The following MAN2A1 variants were observed in gnomAD, a reference collection of about 807,000 sequenced individuals.
The protein encoded by MAN2A1 is mannosidase alpha class 2A member 1.
A neutral mutation model predicts 142.6 loss-of-function variants in MAN2A1; 76 were observed. The ratio of observed to expected loss-of-function variants is 0.53; its 90% CI spans 0.44 to 0.65. The LOEUF is 0.65. Ranked by LOEUF, MAN2A1 falls within the 30% of genes least tolerant of loss-of-function variation. The pLI is 0.00. For synonymous variants in MAN2A1, 559 were observed against 473.2 expected (o/e 1.18, Z -2.35); for missense variants, 1,311 against 1,365.1 (o/e 0.96, Z 0.62).
rs754339308 is a variant in MAN2A1, at chr5:109,855,333, A to T, written c.3170A>T (p.Lys1057Met). ...GTTAATTTGAGAACAATACAGTCAA[A>T]GGTATGTCTCAAAATATATCTTATA... is the stretch of plus-strand genomic sequence containing the variant. ...HLVNLRTIQS[K>M]VGNGHSNEAA... is the part of the protein sequence containing the mutation. Residue 1057 changes from lysine (K) to methionine (M), a missense_variant and splice_region_variant, in exon 20 of 22, where the codon AAG becomes ATG. Around this residue, in one of 3 missense-constraint regions of MAN2A1, gnomAD observed 890 missense variants for 920.5 expected, o/e 0.97. Coordinates refer to ENST00000261483, the MANE Select transcript of MAN2A1 (RefSeq NM_002372.4). The T allele has an allele frequency of 6.4e-7, 1 of 1,556,656 alleles. No individual in the cohort carries two copies. Among genetic ancestry groups the T allele is most frequent in the Non-Finnish European group, 8.7e-7 (1 of 1,155,024 alleles).
chr5:109,848,876 T>G (rs1163216594), intron 19 of MAN2A1, among the ~76,000 whole-genome samples: 1 of 152,216 alleles, frequency 6.6e-6, no homozygotes, highest in Non-Finnish European at 1.5e-5. Context: ...AGTCAGAGTT[T>G]ATGAGATGAG....
intron 13 of MAN2A1, among the ~76,000 whole-genome samples, chr5:109,819,444 A>G (rs1267336852): frequency 6.6e-6 from 1 of 152,152 alleles, no homozygotes; most frequent in African/African-American, 2.4e-5. Flanking sequence ...AATAGTTATT[A>G]TACTATAGTT....
chr5:109,756,952 A>G (rs1169267371), intron 5 of MAN2A1, among the ~76,000 whole-genome samples: 1 of 152,230 alleles, frequency 6.6e-6, no homozygotes, highest in African/African-American at 2.4e-5. Context: ...TGAGTCTGTA[A>G]TGAGTTTCCT....
Position 109,864,947 on chromosome 5 carries a change from G to A in MAN2A1, c.3172-89G>A, listed in dbSNP as rs1206201914. The A allele has an allele frequency of 1.1e-5, 10 of 901,738 alleles. No homozygotes were observed. The East Asian group carries it at 2.2e-4, about 20-fold the overall frequency. 55.9% of individuals were successfully genotyped at this position (901,738 alleles called of 1,614,324 possible). A position where few individuals can be genotyped will look rare whatever the true frequency, so the allele number is the denominator to read the frequency against. On this transcript the variant is annotated intron_variant, in intron 20 of 21. Coordinates refer to ENST00000261483, the MANE Select transcript of MAN2A1 (RefSeq NM_002372.4). ...TTCTTGCTAAATAAATGTGCTTTTG[G>A]ATGCTGACATCGAGAGAGTGGTGTG...
rs773887366 is a variant in MAN2A1, at chr5:109,729,649, C to T, written c.707+136C>T. The T allele has an allele frequency of 1.0e-5, 5 of 501,320 alleles. No individual in the cohort carries two copies. In the South Asian group the frequency reaches 1.3e-4, roughly 13 times the overall value. 31.1% of individuals were successfully genotyped at this position (501,320 alleles called of 1,614,324 possible). On this transcript the variant is annotated intron_variant, in intron 4 of 21. Coordinates refer to ENST00000261483, the MANE Select transcript of MAN2A1 (RefSeq NM_002372.4). ...AAAATATTTCTTCACATACCGTTTT[C>T]GTTGATTTTGGTTCATCTCTGAAAA... is the stretch of plus-strand genomic sequence containing the variant.
At chr5:109,721,831 G>A (rs969354681) in intron 3 of MAN2A1, among the ~76,000 whole-genome samples, 1 of 152,202 alleles carries the variant, frequency 6.6e-6, no homozygotes, top group African/African-American at 2.4e-5. Context: ...AAGCCTGGGT[G>A]CTTCAAAACT....
At chr5:109,711,324 C>CTT (rs1184198699) in intron 1 of MAN2A1, among the ~76,000 whole-genome samples, 2 of 152,190 alleles carry the variant, frequency 1.3e-5, no homozygotes, top group Non-Finnish European at 2.9e-5. Context: ...TCAACAGAAT[C>CTT]TATCAGAAGG....
At chr5:109,759,276 C>CT (rs1582868008) in intron 5 of MAN2A1, among the ~76,000 whole-genome samples, 1 of 152,040 alleles carries the variant, frequency 6.6e-6, no homozygotes, top group East Asian at 1.9e-4. Context: ...AAGTCCTGTA[C>CT]TTTTTTTGTT....
chr5:109,827,085 G>T (rs1754778696), intron 16 of MAN2A1, among the ~76,000 whole-genome samples: 1 of 152,114 alleles, frequency 6.6e-6, no homozygotes. Flanking sequence ...GCAGTTATTT[G>T]CATGAGTATT....
At chr5:109,840,583 C>A in intron 16 of MAN2A1, 1 of 503,404 alleles carries the variant, frequency 2.0e-6, no homozygotes, top group Non-Finnish European at 3.9e-6. Context: ...GTTTCCTTAA[C>A]AACAGGGCCA....
chr5:109,734,039 C>A (rs902349346), intron 4 of MAN2A1, among the ~76,000 whole-genome samples: 2 of 152,020 alleles, frequency 1.3e-5, no homozygotes, highest in African/African-American at 4.8e-5. Context: ...ACAATTTCAG[C>A]TCCTGTTATT....
At chr5:109,787,974 T>A (rs1221640766) in intron 10 of MAN2A1, among the ~76,000 whole-genome samples, 1 of 151,902 alleles carries the variant, frequency 6.6e-6, no homozygotes, top group Non-Finnish European at 1.5e-5. Flanking sequence ...TCATGATCAC[T>A]TACATCTCTG....
intron 4 of MAN2A1, among the ~76,000 whole-genome samples, chr5:109,737,125 G>A (rs1235820221): frequency 8.5e-6 from 1 of 117,846 alleles, no homozygotes; most frequent in East Asian, 2.6e-4. Flanking sequence ...ACTGAGTCTC[G>A]CTCTGTCACC....
intron 3 of MAN2A1, among the ~76,000 whole-genome samples, chr5:109,720,715 A>G (rs1335838978): frequency 6.6e-6 from 1 of 152,182 alleles, no homozygotes. Flanking sequence ...TATTTTGAGA[A>G]AGTTTAGAAA....
intron 4 of MAN2A1, among the ~76,000 whole-genome samples, chr5:109,753,877 A>G (rs1752610959): frequency 6.6e-6 from 1 of 151,638 alleles, no homozygotes; most frequent in African/African-American, 2.4e-5. Context: ...GGCACTTAAG[A>G]TAGATACTTG....
intron 19 of MAN2A1, among the ~76,000 whole-genome samples, chr5:109,849,544 C>G (rs1755427734): frequency 3.3e-5 from 5 of 152,136 alleles, no homozygotes; most frequent in African/African-American, 1.2e-4. Context: ...TTGCCATCAC[C>G]TATCTATCTC....
chr5:109,789,668 C>T, intron 12 of MAN2A1, 141 bp downstream of exon 12: 1 of 593,462 alleles, frequency 1.7e-6, no homozygotes, highest in Admixed American at 3.3e-5. Flanking sequence ...GATTTTCTTT[C>T]ATGACTGTGT....
intron 16 of MAN2A1, among the ~76,000 whole-genome samples, chr5:109,826,545 C>A (rs931313657): frequency 6.6e-6 from 1 of 152,210 alleles, no homozygotes; most frequent in African/African-American, 2.4e-5. Flanking sequence ...CTTAACAAAT[C>A]TCCCTCTGGG....
At chr5:109,791,319 C>G (rs1225734363) in intron 12 of MAN2A1, among the ~76,000 whole-genome samples, 1 of 151,876 alleles carries the variant, frequency 6.6e-6, no homozygotes, top group Non-Finnish European at 1.5e-5. Context: ...GTTTTAAAAT[C>G]TCTATTTTAC....
Sources: gnomAD v4.1 joint callset for allele counts (sites outside exome capture counted in the v4.1 genomes callset) on GRCh38, gnomAD v4.1.1 for gene constraint, gnomAD v4.1.1 regional missense constraint, MANE v1.5 for transcripts, NCBI Gene and HGNC (gene_info 2026-07-23, HGNC 2026-07-21) for gene names.